Variants in SPIRE2 observed in about 807,000 individuals in gnomAD.
SPIRE2 encodes protein spire homolog 2.
In SPIRE2, 76 loss-of-function variants were observed where a neutral mutation model predicts 80.7. That is an observed-to-expected ratio of 0.94 (90% CI 0.78 to 1.14). The LOEUF (loss-of-function observed/expected upper bound fraction) is 1.14. Ranked by LOEUF, SPIRE2 falls within the 50% of genes most tolerant of loss-of-function variation. The probability of loss-of-function intolerance (pLI) is 0.00; values close to 1 mark genes in which losing one functional copy is unlikely to be tolerated. For synonymous variants in SPIRE2, 535 were observed against 432.6 expected, an observed-to-expected ratio of 1.24 and a Z score of -2.94; for missense variants, 1,196 against 1,015.3, an observed-to-expected ratio of 1.18 and a Z score of -2.42.
intron 7 of SPIRE2, among the ~76,000 whole-genome samples, chr16:89,856,611 ATTT>A (rs34234430): frequency 0.013 from 1,640 of 122,682 alleles, 30 homozygotes; most frequent in African/African-American, 0.044. Context: ...CGCCTGGCTA[ATTT>A]TTTTTTTTTT....
At chr16:89,832,953 C>G (rs912003891) in intron 1 of SPIRE2, among the ~76,000 whole-genome samples, 5 of 150,646 alleles carry the variant, frequency 3.3e-5, no homozygotes, top group Admixed American at 1.3e-4. Context: ...TCCCAAGTAG[C>G]TGGGATTACA....
At chr16:89,856,032 G>T in intron 6 of SPIRE2, 81 bp from the exon 7 acceptor site, 1 of 1,567,666 alleles carries the variant, frequency 6.4e-7, no homozygotes, top group South Asian at 1.2e-5. Context: ...CCCCACCACA[G>T]GTCCCGCTTC....
At position 89,828,963 on chromosome 16, in the gene SPIRE2, CTCTCTCTTTCCT is replaced by C. The variant is rs2041353335; in HGVS notation, c.244+170_244+181del. On this transcript the variant is annotated intron_variant, in intron 1 of 14. Coordinates refer to ENST00000378247, the MANE Select transcript of SPIRE2 (RefSeq NM_032451.2). This position sits in a 1 kb window ranked among gnomAD's most constrained non-coding sequence, Gnocchi z 5.9. The stretch of plus-strand genomic sequence containing the variant: ...CCTCCCACTCTCCGTCCCTCTTTCC[CTCTCTCTTTCCT>C]CCCTCCTTCTCTCCCTCCTTCCTCT... Among the ~76,000 whole-genome samples the C allele has an allele frequency of 6.6e-6, 1 of 152,168 alleles. No homozygotes were observed.
chr16:89,865,077 G>A (rs972310676), intron 12 of SPIRE2, among the ~76,000 whole-genome samples: 8 of 150,308 alleles, frequency 5.3e-5, no homozygotes, highest in Non-Finnish European at 1.2e-4. Flanking sequence ...CACGATCTTG[G>A]CTCACTGTAA....
At chr16:89,850,063 C>G (rs930925723) in intron 2 of SPIRE2, 5 of 641,726 alleles carry the variant, frequency 7.8e-6, no homozygotes, top group African/African-American at 7.1e-5. Flanking sequence ...GTCTTGAACT[C>G]CTGACCTCGT....
intron 2 of SPIRE2, 116 bp from the exon 3 acceptor site, chr16:89,850,187 TG>T: frequency 1.2e-6 from 1 of 856,130 alleles, no homozygotes; most frequent in Non-Finnish European, 1.9e-6. Flanking sequence ...TGGTCTCTTG[TG>T]GACCGACAGC....
intron 2 of SPIRE2, 135 bp downstream of exon 2, chr16:89,845,500 C>A: frequency 1.2e-6 from 1 of 833,762 alleles, no homozygotes; most frequent in Non-Finnish European, 2.0e-6. Context: ...ACCCAACAGG[C>A]TTAGTTGCAG....
intron 1 of SPIRE2, among the ~76,000 whole-genome samples, chr16:89,834,541 C>A (rs972702422): frequency 9.5e-6 from 1 of 105,730 alleles, no homozygotes; most frequent in African/African-American, 3.7e-5. Flanking sequence ...AATCTGTGAA[C>A]CTGCCCGCAT....
intron 2 of SPIRE2, chr16:89,849,790 AGAGGTCGCTACTGT>A (rs567838096): frequency 1.1e-4 from 30 of 268,014 alleles, no homozygotes; most frequent in South Asian, 9.8e-4. Flanking sequence ...TGCTGAGTTA[AGAGGTCGCTACTGT>A]GAAGCTTCAC....
chr16:89,831,421 A>T (rs1418434382), intron 1 of SPIRE2, among the ~76,000 whole-genome samples: 1 of 134,184 alleles, frequency 7.5e-6, no homozygotes, highest in Non-Finnish European at 1.6e-5. Context: ...TTTTTATGAG[A>T]CAGTCTCGCT....
chr16:89,869,428 G>C (rs1298566233), intron 13 of SPIRE2, 139 bp from the exon 14 acceptor site: 1 of 638,288 alleles, frequency 1.6e-6, no homozygotes, highest in Non-Finnish European at 2.8e-6. Flanking sequence ...ACATCGGAGA[G>C]CACAGGGACA....
At chr16:89,834,134 G>T (rs1007470374) in intron 1 of SPIRE2, among the ~76,000 whole-genome samples, 1 of 150,248 alleles carries the variant, frequency 6.7e-6, no homozygotes, top group African/African-American at 2.4e-5. Context: ...TAGCCCGTGT[G>T]AATCTGTGAA....
At chr16:89,833,783 G>A (rs1479460323) in intron 1 of SPIRE2, among the ~76,000 whole-genome samples, 13 of 152,196 alleles carry the variant, frequency 8.5e-5, no homozygotes, top group African/African-American at 2.9e-4. Context: ...TGCGAATCCC[G>A]ACCGGATTCT....
At chr16:89,838,005 T>C in intron 1 of SPIRE2, among the ~76,000 whole-genome samples, 1 of 134,054 alleles carries the variant, frequency 7.5e-6, no homozygotes. Flanking sequence ...CAGCAGCTTC[T>C]TTTTTTGTTT....
intron 3 of SPIRE2, among the ~76,000 whole-genome samples, chr16:89,853,709 TCGTG>T (rs1244702269): frequency 6.6e-6 from 1 of 151,784 alleles, no homozygotes; most frequent in African/African-American, 2.4e-5. Context: ...GCCACCGAGA[TCGTG>T]CGTGACGGAG....
intron 1 of SPIRE2, among the ~76,000 whole-genome samples, chr16:89,842,493 G>A (rs948321471): frequency 1.1e-4 from 17 of 152,250 alleles, no homozygotes; most frequent in Admixed American, 2.6e-4. Context: ...GATTACAGGC[G>A]TGAGCCACCG....
chr16:89,842,252 G>T (rs1261452929), intron 1 of SPIRE2, among the ~76,000 whole-genome samples: 6 of 103,406 alleles, frequency 5.8e-5, no homozygotes, highest in African/African-American at 2.4e-4. Context: ...TCACTCTGTT[G>T]CCCAGGCTGG....
intron 2 of SPIRE2, among the ~76,000 whole-genome samples, chr16:89,848,106 T>C (rs2041581231): frequency 6.6e-6 from 1 of 152,226 alleles, no homozygotes; most frequent in African/African-American, 2.4e-5. Flanking sequence ...TTCCCTGCCC[T>C]TCCCTCTGGG....
At chr16:89,860,110 T>G (rs2143821060) in intron 9 of SPIRE2, among the ~76,000 whole-genome samples, 1 of 152,304 alleles carries the variant, frequency 6.6e-6, no homozygotes, top group East Asian at 1.9e-4. Flanking sequence ...AGGTGTGGAC[T>G]GCAGGAGGAG....
Sources: gnomAD v4.1 joint callset for allele counts (sites outside exome capture counted in the v4.1 genomes callset) on GRCh38, gnomAD v4.1.1 for gene constraint, Gnocchi (gnomAD v3.1) non-coding constraint, MANE v1.5 for transcripts, NCBI Gene and HGNC (gene_info 2026-07-23, HGNC 2026-07-21) for gene names.